The following IL3RA variants were observed in gnomAD, a reference collection of about 807,000 sequenced individuals.
IL3RA encodes interleukin 3 receptor subunit alpha, also known as interleukin-3 receptor subunit alpha.
IL3RA carries 73 observed loss-of-function variants against 52.3 expected under a neutral mutation model. The ratio of observed to expected loss-of-function variants is 1.40; its 90% confidence interval spans 1.16 to 1.70. The LOEUF (loss-of-function observed/expected upper bound fraction) is 1.70, where lower values mean the gene tolerates loss of function less well. Ranked by LOEUF, IL3RA falls within the 40% of genes most tolerant of loss-of-function variation. IL3RA has a pLI of 0.00. For synonymous variants in IL3RA, 260 were observed against 194.0 expected (o/e 1.34, Z -2.83); for missense variants, 664 against 504.4 (o/e 1.32, Z -3.03).
At chrX:1,345,578 C>T (rs2085706788) in intron 3 of IL3RA, 144 bp downstream of exon 3, 1 of 466,792 alleles carries the variant, frequency 2.1e-6, no homozygotes, top group Non-Finnish European at 3.6e-6. Flanking sequence ...CAACCTCCAC[C>T]TCCCAGGTCC....
intron 9 of IL3RA, among the ~76,000 whole-genome samples, chrX:1,367,728 CGGGTGAGCGGGGTGCGCG>C (rs1569526942): frequency 3.5e-4 from 14 of 40,244 alleles, no homozygotes; most frequent in South Asian, 7.8e-4. Context: ...CGGGGTGCGC[CGGGTGAGCGGGGTGCGCG>C]GGGTGAGCGG....
At chrX:1,346,270 C>A (rs28667883) in intron 3 of IL3RA, among the ~76,000 whole-genome samples, 45 of 151,834 alleles carry the variant, frequency 3.0e-4, no homozygotes, top group African/African-American at 1.1e-3. Context: ...GAAACCCCGC[C>A]TCCACTAAAA....
chrX:1,352,100 G>T lies in IL3RA; in HGVS notation c.299G>T (p.Ser100Ile). 1 of 1,613,690 alleles carries T rather than the reference G, an allele frequency of 6.2e-7. No individual in the cohort carries two copies. The highest frequency in any genetic ancestry group is 1.1e-5 in the South Asian group (1 of 91,070). Reference protein sequence around the residue: ...FSTWILFPENSGKPWAGAENL... With the variant: ...FSTWILFPENIGKPWAGAENL... ...TTCTCTTTCATGTTTGTGAACCCAG[G>T]TGGGAAGCCTTGGGCAGGTGCGGAG... Residue 100 changes from serine (S) to isoleucine (I), a missense_variant and splice_region_variant, in exon 5 of 12, where the codon AGT (serine) becomes ATT (isoleucine). Ser to Ile is a moderately radical substitution (Grantham distance 142). Transcript: ENST00000331035.
At chrX:1,368,331 T>A (rs1603448652) in intron 9 of IL3RA, among the ~76,000 whole-genome samples, 2 of 152,162 alleles carry the variant, frequency 1.3e-5, no homozygotes, top group Middle Eastern at 6.8e-3. Context: ...ATGCCTGCCA[T>A]CCCAGCACTT....
chrX:1,346,918 C>T (rs1227642756), intron 3 of IL3RA, among the ~76,000 whole-genome samples: 34 of 151,360 alleles, frequency 2.2e-4, no homozygotes, highest in Non-Finnish European at 2.6e-4. Context: ...ATCCTACCCC[C>T]AGCTCCAAAT....
At chrX:1,340,948 C>T (rs1446301173) in intron 1 of IL3RA, among the ~76,000 whole-genome samples, 1 of 152,164 alleles carries the variant, frequency 6.6e-6, no homozygotes, top group Non-Finnish European at 1.5e-5. Context: ...GAAACCCCGT[C>T]TCTGCTAAAA....
intron 7 of IL3RA, among the ~76,000 whole-genome samples, chrX:1,356,836 G>A (rs1459954025): frequency 6.6e-6 from 1 of 150,968 alleles, no homozygotes; most frequent in East Asian, 1.9e-4. Context: ...TATTTCTATT[G>A]TTATGTGGTT....
chrX:1,361,234 A>T (rs1263302561), intron 8 of IL3RA, among the ~76,000 whole-genome samples: 15 of 141,942 alleles, frequency 1.1e-4, no homozygotes, highest in South Asian at 4.4e-4. Context: ...TCTCTCTCCC[A>T]TTATTTCTCT....
chrX:1,360,500 C>T lies in IL3RA; in HGVS notation c.759+1613C>T, dbSNP rs192211230. On this transcript the variant is annotated intron_variant, in intron 8 of 11. Coordinates refer to ENST00000331035, the MANE Select transcript of IL3RA (RefSeq NM_002183.4). ...AGTCTCTCTGTATCTCTGTATCTCT[C>T]TCCCTTTCTCCTTCCCTCTCTTCAT... Among the ~76,000 whole-genome samples, 38 of 151,960 alleles carry T rather than the reference C, an allele frequency of 2.5e-4. 2 individuals carry two copies. In the East Asian group the frequency reaches 7.2e-3, roughly 29 times the overall value.
chrX:1,377,476 C>A (rs1374639105), intron 9 of IL3RA, among the ~76,000 whole-genome samples: 1 of 152,064 alleles, frequency 6.6e-6, no homozygotes, highest in Non-Finnish European at 1.5e-5. Context: ...CTCCCGACCT[C>A]AGGTGATCCG....
intron 4 of IL3RA, among the ~76,000 whole-genome samples, chrX:1,350,890 A>AG (rs775177748): frequency 5.3e-5 from 8 of 150,688 alleles, no homozygotes; most frequent in African/African-American, 9.8e-5. Context: ...CTCTGTCTTA[A>AG]ACACACACAC....
intron 8 of IL3RA, among the ~76,000 whole-genome samples, chrX:1,359,680 C>G (rs1218324633): frequency 2.0e-5 from 3 of 150,204 alleles, no homozygotes; most frequent in Non-Finnish European, 3.0e-5. Context: ...GTGTCTGTCT[C>G]TATCTTTCTC....
intron 8 of IL3RA, among the ~76,000 whole-genome samples, chrX:1,359,878 T>C (rs1192404179): frequency 2.7e-5 from 4 of 146,820 alleles, no homozygotes. Context: ...TCTGTCTCTG[T>C]AACCTTCTCC....
chrX:1,354,877 G>A (rs1347308305), intron 6 of IL3RA, among the ~76,000 whole-genome samples: 1 of 45,164 alleles, frequency 2.2e-5, no homozygotes, highest in Non-Finnish European at 4.3e-5. Context: ...AGAGAAGGAG[G>A]TGAGGAGGAG....
Position 1,381,092 on chromosome X carries a change from A to G in IL3RA, c.1050A>G (p.Gln350=), listed in dbSNP as rs781760527. The change falls in exon 11 of 12, where the codon CAA becomes CAG. Residue 350 remains glutamine (Q), a synonymous_variant. Coordinates refer to ENST00000331035, the MANE Select transcript of IL3RA (RefSeq NM_002183.4). ...AAGACCCCATCGGTGACAGCTTCCA[A>G]AACGACAAGCTGGTATGTTGTTTTT... ...HMKDPIGDSF[Q]NDKLVVWEAG... 4 of 1,613,816 alleles carry G rather than the reference A, an allele frequency of 2.5e-6. No individual in the cohort carries two copies. The South Asian group carries it at 4.4e-5, about 18-fold the overall frequency.
chrX:1,348,640 TTTTCTCTTTC>T lies in IL3RA; in HGVS notation c.298+101_298+110del, dbSNP rs1426258911. 2.5e-3 allele frequency: 1,810 copies of T among 721,756 alleles called. 53 individuals are homozygous for T. The highest frequency in any genetic ancestry group is 2.9e-3 in the African/African-American group (138 of 47,686). 44.7% of individuals were successfully genotyped at this position (721,756 alleles called of 1,614,324 possible). The stretch of plus-strand genomic sequence containing the variant: ...CTTCGCTGTGTCTTTTTTCTTTTCT[TTTTCTCTTTC>T]TTTCTTTCTTTCTTTCTTTCTTTCT... On this transcript the variant is annotated intron_variant, in intron 4 of 11. Transcript: ENST00000331035.
At chrX:1,342,073 T>G (rs1159121473) in intron 2 of IL3RA, among the ~76,000 whole-genome samples, 4 of 152,134 alleles carry the variant, frequency 2.6e-5, no homozygotes, top group African/African-American at 9.7e-5. Flanking sequence ...ACAGATGCCA[T>G]GTGAGGTGTT....
chrX:1,353,813 C>CA (rs1181273113), intron 6 of IL3RA, among the ~76,000 whole-genome samples: 2 of 143,786 alleles, frequency 1.4e-5, no homozygotes, highest in Non-Finnish European at 1.5e-5. Context: ...GGACCCCCCC[C>CA]ATCACGGGTT....
At chrX:1,355,480 A>AGGGGGAGGAGGAGGG (rs1478617962) in intron 6 of IL3RA, among the ~76,000 whole-genome samples, 3 of 75,124 alleles carry the variant, frequency 4.0e-5, no homozygotes, top group Admixed American at 1.5e-4. Context: ...GAGGAGGAGG[A>AGGGGGAGGAGGAGGG]GGGGGCCAGG....
Sources: gnomAD v4.1 joint callset for allele counts (sites outside exome capture counted in the v4.1 genomes callset) on GRCh38, gnomAD v4.1.1 for gene constraint, MANE v1.5 for transcripts, NCBI Gene and HGNC (gene_info 2026-07-23, HGNC 2026-07-21) for gene names.